Variants in MROH2B observed in about 807,000 individuals in gnomAD.
MROH2B encodes maestro heat-like repeat-containing protein family member 2B.
MROH2B carries 177 observed loss-of-function variants against 208.6 expected under a neutral mutation model. The observed-to-expected ratio is 0.85, with a 90% CI of 0.75 to 0.96. MROH2B has a LOEUF of 0.96. MROH2B is among the 40% of genes least tolerant of loss of function. The probability of loss-of-function intolerance (pLI) is 0.00; values close to 1 mark genes in which losing one functional copy is unlikely to be tolerated. For missense variants in MROH2B, 2,002 were observed against 1,878.7 expected (o/e 1.07, Z -1.21); for synonymous variants, 728 against 659.0 (o/e 1.10, Z -1.60).
chr5:41,035,691 A>G (rs748413413), intron 21 of MROH2B, among the ~76,000 whole-genome samples: 2 of 152,142 alleles, frequency 1.3e-5, no homozygotes, highest in South Asian at 4.1e-4. Flanking sequence ...AAGAGGACAT[A>G]TAAGTGGCCA....
intron 37 of MROH2B, among the ~76,000 whole-genome samples, chr5:41,002,449 T>C (rs961592999): frequency 1.3e-5 from 2 of 152,180 alleles, no homozygotes; most frequent in African/African-American, 4.8e-5. Context: ...TTCATTCAAG[T>C]GTCACCATGT....
rs369507414 is a variant in MROH2B at position 41,057,098 on chromosome 5, G to A, written c.919+11C>T. On this transcript the variant is annotated intron_variant, in intron 9 of 41. Coordinates refer to ENST00000399564, the MANE Select transcript of MROH2B (RefSeq NM_173489.5). ...CATTTTTATTAAAAGCCTTCTGGAT[G>A]CTGGTCCTACCTAGAATGAGAAAAC... 4.1e-4 allele frequency: 669 copies of A among 1,613,600 alleles called. No homozygotes were observed. Among genetic ancestry groups the A allele is most frequent in the Non-Finnish European group, 5.1e-4 (605 of 1,179,686 alleles).
chr5:41,016,192 C>T (rs1023972766), intron 28 of MROH2B, among the ~76,000 whole-genome samples: 2 of 148,650 alleles, frequency 1.3e-5, no homozygotes, highest in Non-Finnish European at 3.0e-5. Context: ...ATTTTCAAAA[C>T]TGAGAAGTGT....
In MROH2B at chr5:41,047,781, A is replaced by G. The variant is rs1283152962; in HGVS notation, c.1685-17T>C. The G allele has an allele frequency of 4.4e-6, 7 of 1,573,062 alleles. No individual in the cohort carries two copies. Among genetic ancestry groups the G allele is most frequent in the East Asian group, 2.3e-5 (1 of 43,222 alleles). On this transcript the variant is annotated splice_polypyrimidine_tract_variant and intron_variant, in intron 16 of 41. Transcript: ENST00000399564. ...TGTTCTTTCCTAGAAACAAAAATTG[A>G]TGTAATAATCGCAAAAAAACAAAAC...
chr5:41,018,317 T>C (rs989657372), intron 27 of MROH2B, 24 bp downstream of exon 27: 6 of 1,598,322 alleles, frequency 3.8e-6, no homozygotes. Context: ...CAATAAAGTC[T>C]ATTCATTCTA....
At chr5:41,008,160 G>A (rs1741655045) in intron 33 of MROH2B, among the ~76,000 whole-genome samples, 1 of 152,132 alleles carries the variant, frequency 6.6e-6, no homozygotes, top group Admixed American at 6.5e-5. Flanking sequence ...AGAAAGCATT[G>A]ATTCACTGCT....
intron 29 of MROH2B, among the ~76,000 whole-genome samples, chr5:41,014,358 G>A (rs1157150383): frequency 6.6e-6 from 1 of 152,080 alleles, no homozygotes; most frequent in Non-Finnish European, 1.5e-5. Context: ...AACACTGCAT[G>A]TTCTCACTCA....
At chr5:41,008,385 C>T (rs1741661415) in intron 33 of MROH2B, among the ~76,000 whole-genome samples, 2 of 152,118 alleles carry the variant, frequency 1.3e-5, no homozygotes, top group Admixed American at 1.3e-4. Flanking sequence ...GAAAGCATAG[C>T]CCCTTATTCT....
chr5:41,000,073 T>C, intron 39 of MROH2B, 147 bp downstream of exon 39: 1 of 1,066,476 alleles, frequency 9.4e-7, no homozygotes, highest in Non-Finnish European at 1.4e-6. Context: ...TATGTCACTA[T>C]ATCCTGTGAA....
chr5:41,017,142 C>T (rs540926583), intron 28 of MROH2B, among the ~76,000 whole-genome samples: 9 of 152,262 alleles, frequency 5.9e-5, no homozygotes, highest in South Asian at 2.1e-4. Context: ...TTTCTGGCTG[C>T]GTCTACTCTG....
intron 18 of MROH2B, among the ~76,000 whole-genome samples, chr5:41,042,853 C>T (rs897316584): frequency 2.6e-5 from 4 of 152,236 alleles, no homozygotes; most frequent in African/African-American, 9.6e-5. Flanking sequence ...GATCTGCCTG[C>T]TTCAGCCTCC....
rs1743431354 is a variant in MROH2B at position 41,055,814 on chromosome 5, G to T, written c.961C>A (p.Gln321Lys). 6.2e-7 allele frequency: 1 copy of T among 1,613,654 alleles called. No homozygotes were observed. The highest frequency in any genetic ancestry group is 1.1e-5 in the South Asian group (1 of 91,084). Residue 321 changes from glutamine (Q) to lysine (K), a missense_variant, in exon 10 of 42, where the codon CAA becomes AAA. Physicochemically the swap from Gln to Lys is moderately conservative, Grantham distance 53. Coordinates refer to ENST00000399564, the MANE Select transcript of MROH2B (RefSeq NM_173489.5). ...ATGGCTTCATTATTACTTCTTACTT[G>T]TTCATCAAAAAATTCCATCAGCTCT... ...PGELMEFFDE[Q>K]VRSNNEAIRV...
In MROH2B at chr5:41,065,451, C is replaced by T. The variant is rs760275643; in HGVS notation, c.241G>A (p.Val81Met). ...TTGAAATCATGTGCAGCAAGAGACA[C>T]CAAAACCTCACCAGCTAGCATTCTG... ...EIRMLAGEVLVSLAAHDFNSV... is the reference protein window; with the variant it reads ...EIRMLAGEVLMSLAAHDFNSV... The change falls in exon 4 of 42, where the codon GTG (valine) becomes ATG (methionine). Residue 81 changes from valine to methionine, a missense_variant. Transcript: ENST00000399564. 4 of 1,613,298 alleles carry T rather than the reference C, an allele frequency of 2.5e-6. No homozygotes were observed. The South Asian group carries it at 3.3e-5, about 13-fold the overall frequency.
At chr5:41,041,676 A>T (rs551634857) in intron 19 of MROH2B, among the ~76,000 whole-genome samples, 30 of 152,198 alleles carry the variant, frequency 2.0e-4, no homozygotes, top group Middle Eastern at 3.4e-3. Flanking sequence ...CTCCACATTT[A>T]TATATACTCT....
intron 18 of MROH2B, 56 bp from the exon 19 acceptor site, chr5:41,042,264 T>G: frequency 1.9e-6 from 2 of 1,068,780 alleles, no homozygotes; most frequent in Non-Finnish European, 2.8e-6. Context: ...AAGACTCTGA[T>G]GAAAAGTGGA....
chr5:41,033,999 T>G, intron 21 of MROH2B, 135 bp from the exon 22 acceptor site: 3 of 1,174,574 alleles, frequency 2.6e-6, no homozygotes, highest in Non-Finnish European at 3.3e-6. Context: ...AAGGGGGGTC[T>G]TGCCAAGGGG....
At position 41,032,751 on chromosome 5, in the gene MROH2B, C is replaced by A. The variant is rs758354585; in HGVS notation, c.2432G>T (p.Arg811Met). Reference sequence around the variant, plus strand: ...ACTAAAAATTATCTACCTGAGATACCTAATGGCGATTAAGGCTTTCCACCG... The same window carrying A: ...ACTAAAAATTATCTACCTGAGATACATAATGGCGATTAAGGCTTTCCACCG... ...PIRWKALIAI[R>M]YLSKLKPQLS... The change falls in exon 24 of 42, where the codon AGG (arginine) becomes ATG (methionine). Residue 811 changes from arginine to methionine, a missense_variant. Transcript: ENST00000399564. 6.0e-5 allele frequency: 96 copies of A among 1,611,988 alleles called. No homozygotes were observed. The highest frequency in any genetic ancestry group is 5.6e-5 in the Non-Finnish European group (66 of 1,178,852).
intron 24 of MROH2B, among the ~76,000 whole-genome samples, chr5:41,029,958 G>GA (rs1392707013): frequency 6.6e-6 from 1 of 151,632 alleles, no homozygotes; most frequent in Non-Finnish European, 1.5e-5. Context: ...AATAAAAGTT[G>GA]AAAAACAAAA....
At chr5:41,005,270 T>G (rs188865613) in intron 35 of MROH2B, 12 of 537,462 alleles carry the variant, frequency 2.2e-5, no homozygotes, top group African/African-American at 1.5e-4. Flanking sequence ...AATGCTTTGT[T>G]TGATCCCTCA....
Sources: allele counts gnomAD v4.1 joint callset (sites outside exome capture counted in the v4.1 genomes callset), GRCh38; gene constraint gnomAD v4.1.1; transcripts MANE v1.5; gene names NCBI Gene and HGNC (gene_info 2026-07-23, HGNC 2026-07-21).